Variants in EPHA7 observed in about 807,000 individuals in gnomAD.
The protein encoded by EPHA7 is ephrin type-A receptor 7.
In EPHA7, 25 loss-of-function variants were observed where a neutral mutation model predicts 112.6. The observed-to-expected ratio is 0.22, with a 90% CI of 0.16 to 0.31. EPHA7 has a LOEUF of 0.31. Ranked by LOEUF, EPHA7 falls within the 10% of genes least tolerant of loss-of-function variation. The probability of loss-of-function intolerance (pLI) is 1.00; values close to 1 mark genes in which losing one functional copy is unlikely to be tolerated. For synonymous variants in EPHA7, 437 were observed against 406.5 expected (o/e 1.07, Z -0.90); for missense variants, 962 against 1,212.6 (o/e 0.79, Z 3.07).
chr6:93,331,014 C>T lies in EPHA7; in HGVS notation c.1324+25703G>A, dbSNP rs552470763. Among the ~76,000 whole-genome samples, 3 of 151,398 alleles carry T rather than the reference C, an allele frequency of 2.0e-5. No homozygotes were observed. The South Asian group carries it at 6.2e-4, about 31-fold the overall frequency. On this transcript the variant is annotated intron_variant, in intron 5 of 16. Coordinates refer to ENST00000369303, the MANE Select transcript of EPHA7 (RefSeq NM_004440.4). ...CTTAACTGGCTTTTCATTAGATGATCGGTCTGTTTAGGTTCACAGTCAAGA... is the reference window on the plus strand; with the variant it reads ...CTTAACTGGCTTTTCATTAGATGATTGGTCTGTTTAGGTTCACAGTCAAGA...
chr6:93,336,615 A>G (rs777485426), intron 5 of EPHA7, among the ~76,000 whole-genome samples: 30 of 151,972 alleles, frequency 2.0e-4, no homozygotes, highest in South Asian at 4.2e-4. Context: ...GTTAGCCAGG[A>G]TGGTCTTGAT....
chr6:93,412,845 G>C (rs551923344), intron 2 of EPHA7, among the ~76,000 whole-genome samples: 1 of 152,048 alleles, frequency 6.6e-6, no homozygotes, highest in South Asian at 2.1e-4. Flanking sequence ...TATAGCCTAA[G>C]AATTCCTTTA....
intron 10 of EPHA7, among the ~76,000 whole-genome samples, chr6:93,259,016 G>GA (rs973791559): frequency 6.6e-6 from 1 of 151,804 alleles, no homozygotes; most frequent in Non-Finnish European, 1.5e-5. Flanking sequence ...CAAGTAAAAG[G>GA]AAATGTGCAG....
chr6:93,262,634 G>A (rs1770741724), intron 9 of EPHA7, among the ~76,000 whole-genome samples: 1 of 151,232 alleles, frequency 6.6e-6, no homozygotes. Flanking sequence ...TACCCCACAT[G>A]CCCTTCTTAT....
intron 2 of EPHA7, among the ~76,000 whole-genome samples, chr6:93,412,985 T>C (rs555325064): frequency 3.0e-4 from 45 of 152,094 alleles, no homozygotes; most frequent in Admixed American, 5.2e-4. Context: ...AGGAAAACTA[T>C]GATGTAGACT....
At chr6:93,267,250 A>G (rs914722327) in intron 7 of EPHA7, among the ~76,000 whole-genome samples, 1 of 151,788 alleles carries the variant, frequency 6.6e-6, no homozygotes, top group Non-Finnish European at 1.5e-5. Flanking sequence ...GCTGTGTTTA[A>G]TAACAGCTGA....
rs1183193300 is a variant in EPHA7 at position 93,366,784 on chromosome 6, AAGTATCCAGAAATAG to A, written c.833-8388_833-8374del. ...CACATTCATTTTGGTTCATGCAGGT[AAGTATCCAGAAATAG>A]AATTTTTAAGTCATGTAAATTATTA... On this transcript the variant is annotated intron_variant, in intron 3 of 16. Transcript: ENST00000369303. Among the ~76,000 whole-genome samples the A allele has an allele frequency of 2.6e-5, 4 of 152,306 alleles. No individual in the cohort carries two copies. In the East Asian group the frequency reaches 7.7e-4, roughly 29 times the overall value.
chr6:93,332,788 G>A (rs1050351337), intron 5 of EPHA7, among the ~76,000 whole-genome samples: 1 of 151,660 alleles, frequency 6.6e-6, no homozygotes, highest in African/African-American at 2.4e-5. Context: ...CAATTAACTT[G>A]TGCAGAGTAT....
chr6:93,403,349 G>T (rs1297368056), intron 3 of EPHA7, among the ~76,000 whole-genome samples: 2 of 118,660 alleles, frequency 1.7e-5, no homozygotes, highest in Non-Finnish European at 3.5e-5. Flanking sequence ...AGGTATCATG[G>T]CGGGTAGGTA....
chr6:93,286,658 T>A (rs1772080242), intron 5 of EPHA7, among the ~76,000 whole-genome samples: 3 of 152,154 alleles, frequency 2.0e-5, no homozygotes, highest in African/African-American at 7.2e-5. Context: ...AGGCACCAGA[T>A]CATGGATAAA....
intron 5 of EPHA7, among the ~76,000 whole-genome samples, chr6:93,341,959 A>C (rs1359339936): frequency 6.6e-6 from 1 of 151,862 alleles, no homozygotes; most frequent in Non-Finnish European, 1.5e-5. Context: ...AAGGCCTCAG[A>C]TCTCTTTCAG....
At chr6:93,289,418 G>A (rs959505319) in intron 5 of EPHA7, among the ~76,000 whole-genome samples, 2 of 151,946 alleles carry the variant, frequency 1.3e-5, no homozygotes, top group Non-Finnish European at 2.9e-5. Flanking sequence ...TTAAAAGTAT[G>A]TAGATCCTGG....
In EPHA7 at chr6:93,258,288, A is replaced by C. The variant is rs774745503; in HGVS notation, c.1925-4T>G. 6.4e-7 allele frequency: 1 copy of C among 1,573,168 alleles called. No homozygotes were observed. Among genetic ancestry groups the C allele is most frequent in the Non-Finnish European group, 8.6e-7 (1 of 1,159,700 alleles). On this transcript the variant is annotated splice_region_variant and splice_polypyrimidine_tract_variant and intron_variant, in intron 10 of 16. Coordinates refer to ENST00000369303, the MANE Select transcript of EPHA7 (RefSeq NM_004440.4). ...CTGCAGACTTCACCGAATTCTCCTG[A>C]AGTAACAGAACAAGCAGGCATATTT... is the stretch of plus-strand genomic sequence containing the variant.
At chr6:93,281,354 G>A (rs1300372732) in intron 5 of EPHA7, among the ~76,000 whole-genome samples, 2 of 152,116 alleles carry the variant, frequency 1.3e-5, no homozygotes, top group African/African-American at 2.4e-5. Flanking sequence ...TGAATGATTT[G>A]TTTTAAACTA....
chr6:93,259,394 T>C lies in EPHA7; in HGVS notation c.1884A>G (p.Leu628=), dbSNP rs1474060534. Reference sequence around the variant, plus strand: ...GCTCAATTTTAATACAGGAGGCATCTAGCTCCTTGGCGAATTGATGGACAG... The same window carrying C: ...GCTCAATTTTAATACAGGAGGCATCCAGCTCCTTGGCGAATTGATGGACAG... ...NRAVHQFAKE[L]DASCIKIERV... The change falls in exon 10 of 17, where the codon CTA becomes CTG. Residue 628 remains leucine, a synonymous_variant. Transcript: ENST00000369303. The C allele has an allele frequency of 6.2e-7, 1 of 1,612,244 alleles. No individual in the cohort carries two copies. Among genetic ancestry groups the C allele is most frequent in the South Asian group, 1.1e-5 (1 of 91,062 alleles).
Position 93,243,538 on chromosome 6 carries a change from T to A in EPHA7, c.2885A>T (p.Asp962Val), listed in dbSNP as rs760252640. 1.2e-6 allele frequency: 2 copies of A among 1,610,086 alleles called. No individual in the cohort carries two copies. The highest frequency in any genetic ancestry group is 2.2e-5 in the East Asian group (1 of 44,808). The change falls in exon 17 of 17, where the codon GAT (aspartate) becomes GTT (valine). Residue 962 changes from aspartate to valine, a missense_variant and splice_region_variant. Transcript: ENST00000369303. Reference sequence around the variant, plus strand: ...CAGTGTGATCCCTAAACTCATCACATCCCTGAAAAAGACAAATGCACTTTT... The same window carrying A: ...CAGTGTGATCCCTAAACTCATCACAACCCTGAAAAAGACAAATGCACTTTT... ...LESVARMTIE[D>V]VMSLGITLVG... is the part of the protein sequence containing the mutation.
chr6:93,302,321 C>T (rs1773026282), intron 5 of EPHA7, among the ~76,000 whole-genome samples: 1 of 152,080 alleles, frequency 6.6e-6, no homozygotes, highest in Non-Finnish European at 1.5e-5. Flanking sequence ...TATCAAATTC[C>T]AGGTAAATAA....
chr6:93,284,412 G>T (rs946472350), intron 5 of EPHA7, among the ~76,000 whole-genome samples: 1 of 151,908 alleles, frequency 6.6e-6, no homozygotes, highest in Non-Finnish European at 1.5e-5. Context: ...AAAGAAACAG[G>T]AAAGAAAGGA....
In EPHA7 at chr6:93,350,561, A is replaced by T. The variant is rs116699648; in HGVS notation, c.1324+6156T>A. Among the ~76,000 whole-genome samples the T allele has an allele frequency of 8.9e-3, 1,336 of 150,498 alleles. 18 individuals are homozygous for T. The highest frequency in any genetic ancestry group is 0.03 in the African/African-American group (1,243 of 41,392). On this transcript the variant is annotated intron_variant, in intron 5 of 16. Coordinates refer to ENST00000369303, the MANE Select transcript of EPHA7 (RefSeq NM_004440.4). ...AATCTGAGTGAGTGTCATATAGATC[A>T]TTCATCCATACACAACAAAATTGAT...
Sources: allele counts gnomAD v4.1 joint callset (sites outside exome capture counted in the v4.1 genomes callset), GRCh38; gene constraint gnomAD v4.1.1; transcripts MANE v1.5; gene names NCBI Gene and HGNC (gene_info 2026-07-23, HGNC 2026-07-21).